NBAS: variants seen among roughly 807,000 people sequenced by gnomAD.
NBAS encodes NBAS subunit of NRZ tethering complex.
In NBAS, 219 loss-of-function variants were observed where a neutral mutation model predicts 302.5. The observed-to-expected ratio is 0.72, with a 90% CI of 0.65 to 0.81. NBAS has a LOEUF of 0.81. NBAS is among the 30% of genes least tolerant of loss of function. The pLI is 0.00. For synonymous variants in NBAS, 1,118 were observed against 1,021.6 expected, an observed-to-expected ratio of 1.09 and a Z score of -1.80; for missense variants, 2,932 against 2,841.6, an observed-to-expected ratio of 1.03 and a Z score of -0.72.
At chr2:14,968,874 C>T in the NBAS span, among the ~76,000 whole-genome samples, 1 of 152,058 alleles carries the variant, frequency 6.6e-6, no homozygotes, top group Non-Finnish European at 1.5e-5. Flanking sequence ...AAATGGACAC[C>T]CGCATAAAAA....
In NBAS at chr2:15,308,314, A is replaced by AG. The variant is rs780275190; in HGVS notation, c.4698dup (p.Ser1567LeufsTer13). The AG allele has an allele frequency of 3.1e-6, 5 of 1,614,186 alleles. No individual in the cohort carries two copies. Among genetic ancestry groups the AG allele is most frequent in the Non-Finnish European group, 4.2e-6 (5 of 1,180,026 alleles). On this transcript the variant is annotated frameshift_variant, in exon 40 of 52. Transcript: ENST00000281513. LOFTEE classifies it high-confidence loss of function. ...GCTGCCAGCTGGAGAGATAATGCAG[A>AG]GGGGGACTGCTTTTCAAAGCACCGG...
At chr2:15,330,826 AGT>A in intron 35 of NBAS, 61 bp from the exon 36 acceptor site, 1 of 1,547,854 alleles carries the variant, frequency 6.5e-7, no homozygotes, top group Non-Finnish European at 8.9e-7. Flanking sequence ...CAGAGAAGAC[AGT>A]GATAATGTGA....
At chr2:15,034,907 G>A in the NBAS span, among the ~76,000 whole-genome samples, 11 of 152,032 alleles carry the variant, frequency 7.2e-5, no homozygotes, top group African/African-American at 1.2e-4. Flanking sequence ...CAAACACTTC[G>A]TTGGGGGGTA....
chr2:15,470,395 T>G (rs1679906898), intron 16 of NBAS, among the ~76,000 whole-genome samples: 1 of 152,206 alleles, frequency 6.6e-6, no homozygotes, highest in Non-Finnish European at 1.5e-5. Flanking sequence ...TGTTTCCCAG[T>G]GTTCACTATT....
At chr2:15,512,990 C>G (rs1558402457) in intron 9 of NBAS, among the ~76,000 whole-genome samples, 1 of 152,172 alleles carries the variant, frequency 6.6e-6, no homozygotes, top group Non-Finnish European at 1.5e-5. Context: ...TAAAGTGTTT[C>G]TGAACTAAGC....
intron 26 of NBAS, among the ~76,000 whole-genome samples, chr2:15,400,363 G>C (rs907108739): frequency 2.6e-5 from 4 of 152,040 alleles, no homozygotes; most frequent in Non-Finnish European, 5.9e-5. Context: ...AGGAAAAACA[G>C]AGAGTTGTAT....
At chr2:15,310,048 G>A (rs886077869) in intron 38 of NBAS, among the ~76,000 whole-genome samples, 2 of 152,138 alleles carry the variant, frequency 1.3e-5, no homozygotes, top group Non-Finnish European at 2.9e-5. Context: ...GATAGTATAC[G>A]AATAATTCAA....
intron 47 of NBAS, among the ~76,000 whole-genome samples, chr2:15,226,582 G>C (rs907519201): frequency 3.9e-5 from 6 of 152,046 alleles, no homozygotes; most frequent in Non-Finnish European, 8.8e-5. Context: ...TTTAATTGTA[G>C]ATGTATGAAA....
chr2:15,084,271 C>A, the NBAS span, among the ~76,000 whole-genome samples: 1 of 152,130 alleles, frequency 6.6e-6, no homozygotes, highest in East Asian at 1.9e-4. Flanking sequence ...CCATGTTGCC[C>A]AGGCTGGTCT....
the NBAS span, among the ~76,000 whole-genome samples, chr2:14,965,540 T>C: frequency 6.6e-6 from 1 of 152,160 alleles, no homozygotes; most frequent in Admixed American, 6.5e-5. Flanking sequence ...TTAAAACTCT[T>C]TGCAAGAGAG....
chr2:15,474,032 C>A (rs558878324), intron 15 of NBAS, 35 bp downstream of exon 15: 2 of 1,613,820 alleles, frequency 1.2e-6, no homozygotes, highest in African/African-American at 2.7e-5. Flanking sequence ...AGCTTGATGA[C>A]TTCAAACTTG....
chr2:14,954,101 C>G, the NBAS span, among the ~76,000 whole-genome samples: 1 of 152,288 alleles, frequency 6.6e-6, no homozygotes, highest in East Asian at 1.9e-4. Context: ...TTGTGCATGC[C>G]AGACCCTCTG....
chr2:15,500,953 G>A (rs1199095673), intron 11 of NBAS, among the ~76,000 whole-genome samples: 1 of 151,296 alleles, frequency 6.6e-6, no homozygotes, highest in Non-Finnish European at 1.5e-5. Flanking sequence ...AAAGATCCAA[G>A]CCAATATCCT....
chr2:14,986,826 C>T, the NBAS span, among the ~76,000 whole-genome samples: 1 of 151,962 alleles, frequency 6.6e-6, no homozygotes, highest in Admixed American at 6.5e-5. Context: ...CAAAGTTACC[C>T]ACAAAAAAAG....
At chr2:15,036,751 T>C in the NBAS span, among the ~76,000 whole-genome samples, 4 of 152,096 alleles carry the variant, frequency 2.6e-5, no homozygotes, top group African/African-American at 9.7e-5. Flanking sequence ...GCTCCTCAGG[T>C]AGACAGGGCA....
intron 40 of NBAS, among the ~76,000 whole-genome samples, chr2:15,305,993 C>A (rs559361737): frequency 6.6e-6 from 1 of 152,254 alleles, no homozygotes; most frequent in East Asian, 1.9e-4. Context: ...TTCAAGTTTA[C>A]AATAAGGTAC....
chr2:15,358,587 G>T (rs1450331830), intron 32 of NBAS, among the ~76,000 whole-genome samples: 1 of 152,110 alleles, frequency 6.6e-6, no homozygotes, highest in Non-Finnish European at 1.5e-5. Flanking sequence ...TGGGCCTACA[G>T]GGACATACCA....
rs1663402942 is a variant in NBAS at position 15,534,736 on chromosome 2, C to T, written c.648-95G>A. The T allele has an allele frequency of 4.2e-6, 4 of 961,582 alleles. No individual in the cohort carries two copies. In the African/African-American group the frequency reaches 6.4e-5, roughly 15 times the overall value. 59.6% of individuals were successfully genotyped at this position (961,582 alleles called of 1,614,324 possible). A position where few individuals can be genotyped will look rare whatever the true frequency, so the allele number is the denominator to read the frequency against. On this transcript the variant is annotated intron_variant, in intron 8 of 51. Coordinates refer to ENST00000281513, the MANE Select transcript of NBAS (RefSeq NM_015909.4). ...AAATGTTTAGAATTTAAAAGACAGA[C>T]AATACCAAATATTGCTGAGGATATA...
In NBAS at chr2:15,379,684, T is replaced by A; in HGVS notation, c.3508A>T (p.Ser1170Cys). The change falls in exon 30 of 52, where the codon AGT becomes TGT. Residue 1170 changes from serine to cysteine, a missense_variant. Physicochemically the swap from Ser to Cys is moderately radical, Grantham distance 112 (BLOSUM62 -1). Transcript: ENST00000281513. ...CTGGCAGCCAAAACCAAGTCAATACTCTTTTCGTAGCTGACCCTGTAGTGG... is the reference window on the plus strand; with the variant it reads ...CTGGCAGCCAAAACCAAGTCAATACACTTTTCGTAGCTGACCCTGTAGTGG... ...KPHYRVSYEK[S>C]IDLVLAASRE... 6.2e-7 allele frequency: 1 copy of A among 1,614,020 alleles called. No homozygotes were observed. The highest frequency in any genetic ancestry group is 8.5e-7 in the Non-Finnish European group (1 of 1,179,986).
Sources: allele counts gnomAD v4.1 joint callset (sites outside exome capture counted in the v4.1 genomes callset), GRCh38; gene constraint gnomAD v4.1.1; transcripts MANE v1.5; gene names NCBI Gene and HGNC (gene_info 2026-07-23, HGNC 2026-07-21).